The following EMID1 variants were observed in gnomAD, a reference collection of about 807,000 sequenced individuals.
EMID1 encodes EMI domain-containing protein 1.
In EMID1, 40 loss-of-function variants were observed where a neutral mutation model predicts 60.6. That is an observed-to-expected ratio of 0.66 (90% CI 0.51 to 0.86). The LOEUF is 0.86. Among genes scored for constraint, EMID1 ranks in the 40% least tolerant of loss-of-function variants. EMID1 has a pLI of 0.00. For missense variants in EMID1, 585 were observed against 597.1 expected (o/e 0.98, Z 0.21); for synonymous variants, 242 against 231.0 (o/e 1.05, Z -0.43).
intron 4 of EMID1, 111 bp downstream of exon 4, chr22:29,225,327 T>A: frequency 9.0e-7 from 1 of 1,109,440 alleles, no homozygotes; most frequent in Non-Finnish European, 1.3e-6. Flanking sequence ...CAGTGGAGGG[T>A]CAAGGACAGT....
At chr22:29,230,050 A>G (rs2040671358) in intron 5 of EMID1, among the ~76,000 whole-genome samples, 1 of 152,120 alleles carries the variant, frequency 6.6e-6, no homozygotes, top group Non-Finnish European at 1.5e-5. Flanking sequence ...ATTTAGTGAA[A>G]GGCCGGGAGT....
chr22:29,256,507 CAGGAAGA>C, intron 14 of EMID1, among the ~76,000 whole-genome samples: 1 of 149,656 alleles, frequency 6.7e-6, no homozygotes, highest in Non-Finnish European at 1.5e-5. Context: ...AGATCCCAAG[CAGGAAGA>C]AGGGTTAAGG....
chr22:29,253,807 A>T, intron 13 of EMID1: 1 of 592,708 alleles, frequency 1.7e-6, no homozygotes, highest in Non-Finnish European at 2.1e-6. Flanking sequence ...GCCAAGAGAT[A>T]TAGTCATGCA....
At chr22:29,257,622 G>A (rs2744465) in intron 14 of EMID1, among the ~76,000 whole-genome samples, 73,627 of 152,084 alleles carry the variant, frequency 0.48, 19,002 homozygotes, top group African/African-American at 0.61. Context: ...ACTCACAGGG[G>A]CCAGACCTGC....
intron 2 of EMID1, 81 bp downstream of exon 2, chr22:29,215,120 G>T: frequency 1.4e-6 from 2 of 1,450,744 alleles, no homozygotes; most frequent in Non-Finnish European, 1.8e-6. Context: ...GGACTGCATG[G>T]GGAGTGTGGG....
intron 13 of EMID1, among the ~76,000 whole-genome samples, chr22:29,253,417 T>C (rs1458842679): frequency 6.6e-6 from 1 of 152,224 alleles, no homozygotes; most frequent in Non-Finnish European, 1.5e-5. Flanking sequence ...ACCCTGTCTC[T>C]ACTAAAAATA....
At chr22:29,210,400 C>T (rs888942376) in intron 1 of EMID1, among the ~76,000 whole-genome samples, 1 of 151,882 alleles carries the variant, frequency 6.6e-6, no homozygotes, top group South Asian at 2.1e-4. Context: ...CCATGCCTGG[C>T]TAATTTTGTA....
intron 14 of EMID1, chr22:29,255,477 C>T: frequency 1.3e-6 from 1 of 781,236 alleles, no homozygotes; most frequent in Non-Finnish European, 1.9e-6. Context: ...ACTCATTCTT[C>T]ATCCAGCCAG....
intron 5 of EMID1, among the ~76,000 whole-genome samples, chr22:29,230,379 G>T (rs2040688783): frequency 6.6e-6 from 1 of 151,898 alleles, no homozygotes; most frequent in African/African-American, 2.4e-5. Context: ...AACTCTTCCA[G>T]CCATACCCTG....
chr22:29,254,328 G>A (rs1334235737), intron 14 of EMID1, 41 bp downstream of exon 14: 1 of 1,587,652 alleles, frequency 6.3e-7, no homozygotes, highest in Non-Finnish European at 8.6e-7. Flanking sequence ...CCCAGCCCCT[G>A]CCTGCCAGCC....
At chr22:29,223,947 A>G (rs1191139649) in intron 3 of EMID1, among the ~76,000 whole-genome samples, 1 of 152,210 alleles carries the variant, frequency 6.6e-6, no homozygotes, top group Non-Finnish European at 1.5e-5. Context: ...AAGGTCCTTC[A>G]CATGAGCATG....
chr22:29,236,726 T>C (rs2040961883), intron 12 of EMID1, among the ~76,000 whole-genome samples: 1 of 151,986 alleles, frequency 6.6e-6, no homozygotes, highest in Non-Finnish European at 1.5e-5. Flanking sequence ...AAAAAATAAC[T>C]AAATAAATGA....
chr22:29,233,365 C>A lies in EMID1; in HGVS notation c.824-14C>A. The A allele has an allele frequency of 6.2e-7, 1 of 1,613,754 alleles. No homozygotes were observed. Among genetic ancestry groups the A allele is most frequent in the African/African-American group, 1.3e-5 (1 of 75,046 alleles). On this transcript the variant is annotated splice_polypyrimidine_tract_variant and intron_variant, in intron 8 of 14. Transcript: ENST00000334018. ...CTACCCAGCTCTACTCACTCATCAT[C>A]TTTGCTCACCCAGGAGACCCATTGC... is the stretch of plus-strand genomic sequence containing the variant.
At chr22:29,248,020 C>T (rs933053655) in intron 13 of EMID1, among the ~76,000 whole-genome samples, 32 of 149,854 alleles carry the variant, frequency 2.1e-4, no homozygotes, top group Non-Finnish European at 4.0e-4. Context: ...GGCTTGATCT[C>T]GGCTCACTGC....
intron 1 of EMID1, among the ~76,000 whole-genome samples, chr22:29,206,607 A>C (rs2039666821): frequency 6.6e-6 from 1 of 152,164 alleles, no homozygotes; most frequent in Non-Finnish European, 1.5e-5. Flanking sequence ...GGAGTCTCAC[A>C]GCCCAGTGGG....
At chr22:29,255,347 C>A in intron 14 of EMID1, 1 of 1,510,022 alleles carries the variant, frequency 6.6e-7, no homozygotes, top group Non-Finnish European at 8.9e-7. Context: ...CTCCTGGAAG[C>A]CATCATCTGG....
chr22:29,219,102 G>C (rs1289677388), intron 3 of EMID1, among the ~76,000 whole-genome samples: 1 of 152,200 alleles, frequency 6.6e-6, no homozygotes, highest in African/African-American at 2.4e-5. Context: ...CTCAGAGAGG[G>C]GAATGCCTTG....
At chr22:29,213,765 T>C (rs2039980164) in intron 1 of EMID1, among the ~76,000 whole-genome samples, 2 of 152,154 alleles carry the variant, frequency 1.3e-5, no homozygotes, top group South Asian at 4.1e-4. Context: ...ACTTTCTTCC[T>C]GCCCTCAAGC....
rs544575495 is a variant in EMID1, at chr22:29,206,700, C to T, written c.101+561C>T. Among the ~76,000 whole-genome samples, 11 of 152,248 alleles carry T rather than the reference C, an allele frequency of 7.2e-5. No homozygotes were observed. In the East Asian group the frequency reaches 1.9e-3, roughly 27 times the overall value. ...AGTCTTCCTTCTGCTCTCCTAGCGG[C>T]GGGGAACCTCCTCCCTGCTGGCCTT... is the stretch of plus-strand genomic sequence containing the variant. On this transcript the variant is annotated intron_variant, in intron 1 of 14. Transcript: ENST00000334018.
Sources: allele counts gnomAD v4.1 joint callset (sites outside exome capture counted in the v4.1 genomes callset), GRCh38; gene constraint gnomAD v4.1.1; transcripts MANE v1.5; gene names NCBI Gene and HGNC (gene_info 2026-07-23, HGNC 2026-07-21).